Variants in NEURL4 observed in about 807,000 individuals in gnomAD.
The protein encoded by NEURL4 is neuralized-like protein 4.
In NEURL4, 45 loss-of-function variants were observed where a neutral mutation model predicts 148.0. That is an observed-to-expected ratio of 0.30 (90% CI 0.24 to 0.39). The LOEUF (loss-of-function observed/expected upper bound fraction) is 0.39, where lower values mean the gene tolerates loss of function less well. Ranked by LOEUF, NEURL4 falls within the 10% of genes least tolerant of loss-of-function variation. The pLI is 1.00. For missense variants in NEURL4, 1,776 were observed against 2,144.0 expected, an observed-to-expected ratio of 0.83 and a Z score of 3.39; for synonymous variants, 854 against 869.0, an observed-to-expected ratio of 0.98 and a Z score of 0.30.
chr17:7,326,761 T>G lies in NEURL4; in HGVS notation c.1042A>C (p.Asn348His). 6.2e-7 allele frequency: 1 copy of G among 1,613,246 alleles called. No individual in the cohort carries two copies. The highest frequency in any genetic ancestry group is 8.5e-7 in the Non-Finnish European group (1 of 1,179,800). The change falls in exon 4 of 29, where the codon AAT (asparagine) becomes CAT (histidine). Residue 348 changes from asparagine (N) to histidine (H), a missense_variant. Asn to His is a moderately conservative substitution (Grantham distance 68, BLOSUM62 1). Transcript: ENST00000399464. This position sits in a 1 kb window ranked among gnomAD's most constrained non-coding sequence, Gnocchi z 6.0. ...GGGCGATTGGTCATGACAACCCCAT[T>G]GTTGAATTCATCCAGGGGCCGCCGG... is the stretch of plus-strand genomic sequence containing the variant. ...ERRRPLDEFN[N>H]GVVMTNRPLR...
rs1341243611 is a variant in NEURL4 at position 7,323,990 on chromosome 17, T to C, written c.2085A>G (p.Pro695=). The change falls in exon 12 of 29, where the codon CCA becomes CCG. Residue 695 remains proline, a synonymous_variant. Transcript: ENST00000399464. ...DDVEVAPVPE[P]LPEGNNQVSP... is the part of the protein sequence containing the mutation. The stretch of plus-strand genomic sequence containing the variant: ...ACACCTGGTTGTTCCCCTCAGGGAG[T>C]GGTTCAGGAACTGGAGCCACCTCTG... The C allele has an allele frequency of 1.2e-6, 2 of 1,610,152 alleles. No individual in the cohort carries two copies. The highest frequency in any genetic ancestry group is 3.3e-5 in the Admixed American group (2 of 59,970).
chr17:7,325,746 C>T (rs746198497), intron 6 of NEURL4, 33 bp from the exon 7 acceptor site: 18 of 1,568,934 alleles, frequency 1.1e-5, no homozygotes, highest in South Asian at 2.2e-5. Context: ...TTAGAGGAGT[C>T]CTGAGGCCTG....
At chr17:7,325,137 A>G in intron 8 of NEURL4, 72 bp downstream of exon 8, 69 of 1,185,148 alleles carry the variant, frequency 5.8e-5, no homozygotes, top group Non-Finnish European at 7.6e-5. Context: ...TCTGCCTTCC[A>G]CTTCCTTGCC....
chr17:7,321,612 C>T lies in NEURL4; in HGVS notation c.3047G>A (p.Arg1016His), dbSNP rs765721028. The T allele has an allele frequency of 3.1e-6, 5 of 1,614,118 alleles. No individual in the cohort carries two copies. The highest frequency in any genetic ancestry group is 4.2e-6 in the Non-Finnish European group (5 of 1,180,036). ...TWMVSSCEVR[R>H]DGQLQRMNYG... Reference sequence around the variant, plus strand: ...GTTCATCCTCTGGAGCTGCCCATCACGCCTCACTTCACAGCTGGATACCAT... The same window carrying T: ...GTTCATCCTCTGGAGCTGCCCATCATGCCTCACTTCACAGCTGGATACCAT... Residue 1016 changes from arginine to histidine, a missense_variant, in exon 18 of 29, where the codon CGT (arginine) becomes CAT (histidine). By Grantham distance (29) the Arg-to-His change is conservative (BLOSUM62 0). Coordinates refer to ENST00000399464, the MANE Select transcript of NEURL4 (RefSeq NM_032442.3). The surrounding 1 kb of genome is among the most constrained non-coding windows in gnomAD (Gnocchi z 6.3).
chr17:7,325,085 A>T (rs1053191434), intron 8 of NEURL4, 105 bp from the exon 9 acceptor site: 73 of 1,551,800 alleles, frequency 4.7e-5, no homozygotes, highest in Middle Eastern at 2.0e-4. Context: ...AAGCCAAAGA[A>T]CTAAAGCTCA....
Position 7,324,398 on chromosome 17 carries a change from G to C in NEURL4, c.1896C>G (p.Leu632=), listed in dbSNP as rs764604274. ...GGCGGCGCACCCACTTTCCCACCTT[G>C]AGGCGGTCCAGATTGTGCCCGTATT... ...LDEYGHNLDR[L]KAGDTVGVVR... Residue 632 remains leucine (L), a synonymous_variant, in exon 10 of 29, where the codon CTC becomes CTG. Coordinates refer to ENST00000399464, the MANE Select transcript of NEURL4 (RefSeq NM_032442.3). The surrounding 1 kb of genome is among the most constrained non-coding windows in gnomAD (Gnocchi z 5.9). 13 of 1,614,180 alleles carry C rather than the reference G, an allele frequency of 8.1e-6. No individual in the cohort carries two copies. In the Admixed American group the frequency reaches 1.0e-4, roughly 12 times the overall value.
chr17:7,321,298 A>G lies in NEURL4; in HGVS notation c.3199-25T>C. On this transcript the variant is annotated intron_variant, in intron 19 of 28. Coordinates refer to ENST00000399464, the MANE Select transcript of NEURL4 (RefSeq NM_032442.3). The surrounding 1 kb of genome is among the most constrained non-coding windows in gnomAD (Gnocchi z 6.3). Reference sequence around the variant, plus strand: ...TCTGGGAGGCACACAAGACCCAGAAAATCAGAGATCAGCAGAAGACCTCAA... The same window carrying G: ...TCTGGGAGGCACACAAGACCCAGAAGATCAGAGATCAGCAGAAGACCTCAA... The G allele has an allele frequency of 6.2e-7, 1 of 1,613,096 alleles. No homozygotes were observed. Among genetic ancestry groups the G allele is most frequent in the Non-Finnish European group, 8.5e-7 (1 of 1,179,236 alleles).
In NEURL4 at chr17:7,324,980, A is replaced by C; in HGVS notation, c.1632T>G (p.His544Gln). 1.2e-6 allele frequency: 2 copies of C among 1,613,956 alleles called. No homozygotes were observed. The highest frequency in any genetic ancestry group is 1.1e-5 in the South Asian group (1 of 91,088). ...CGCCGTGATTGAAGTCATCGGTGGC[A>C]CTGAGGGCACAGCAAGTGGAGAGTC... ...THEGRTALRP[H>Q]ATDDFNHGVV... The change falls in exon 9 of 29, where the codon CAT becomes CAG. Residue 544 changes from histidine to glutamine, a missense_variant and splice_region_variant. His to Gln is a conservative substitution (Grantham distance 24). Coordinates refer to ENST00000399464, the MANE Select transcript of NEURL4 (RefSeq NM_032442.3). This position sits in a 1 kb window ranked among gnomAD's most constrained non-coding sequence, Gnocchi z 5.9.
Position 7,327,378 on chromosome 17 carries a change from T to C in NEURL4, c.727+62A>G. The C allele has an allele frequency of 6.8e-7, 1 of 1,468,608 alleles. No homozygotes were observed. The highest frequency in any genetic ancestry group is 9.2e-7 in the Non-Finnish European group (1 of 1,084,238). The allele number at this position is 1,468,608 out of a possible 1,614,324, so 91.0% of individuals were successfully genotyped here. A position where few individuals can be genotyped will look rare whatever the true frequency, so the allele number is the denominator to read the frequency against. On this transcript the variant is annotated intron_variant, in intron 2 of 28. Transcript: ENST00000399464. The surrounding 1 kb of genome is among the most constrained non-coding windows in gnomAD (Gnocchi z 6.6). Reference sequence around the variant, plus strand: ...GGCCCTGCCCACACCCAGCCTGTCTTGTCACTCTATTTCCCCCATTCCGTC... The same window carrying C: ...GGCCCTGCCCACACCCAGCCTGTCTCGTCACTCTATTTCCCCCATTCCGTC...
At chr17:7,316,593 C>G (rs928788831) in intron 28 of NEURL4, among the ~76,000 whole-genome samples, 6 of 152,186 alleles carry the variant, frequency 3.9e-5, no homozygotes, top group Non-Finnish European at 5.9e-5. Flanking sequence ...CCGCCCCATT[C>G]TTTCTCTGTT....
In NEURL4 at chr17:7,317,578, G is replaced by A; in HGVS notation, c.4206-5C>T. The A allele has an allele frequency of 6.2e-7, 1 of 1,613,702 alleles. No homozygotes were observed. Among genetic ancestry groups the A allele is most frequent in the African/African-American group, 1.3e-5 (1 of 75,040 alleles). On this transcript the variant is annotated splice_region_variant and splice_polypyrimidine_tract_variant and intron_variant, in intron 26 of 28. Coordinates refer to ENST00000399464, the MANE Select transcript of NEURL4 (RefSeq NM_032442.3). ...GCCTCCAGGCGGGGATTCACTCTAG[G>A]AGGTGGACAAGCGGGGCAGATACAA...
At chr17:7,325,586 A>G in intron 7 of NEURL4, 55 bp downstream of exon 7, 1 of 1,591,560 alleles carries the variant, frequency 6.3e-7, no homozygotes, top group South Asian at 1.1e-5. Flanking sequence ...TACAGCCCCC[A>G]GTCCCAGCCC....
Position 7,325,391 on chromosome 17 carries a change from G to A in NEURL4, c.1449C>T (p.His483=), listed in dbSNP as rs1201699560. The A allele has an allele frequency of 3.1e-6, 5 of 1,613,080 alleles. No homozygotes were observed. The highest frequency in any genetic ancestry group is 2.7e-5 in the African/African-American group (2 of 74,914). ...GGAGACGGTCACTGTGGTTGTTATT[G>A]TGGACGATGGTCACCTTCACTGCCA... ...YGMAVKVTIV[H]NNNHSDRLRR... The change falls in exon 8 of 29, where the codon CAC becomes CAT. Residue 483 remains histidine, a synonymous_variant. Transcript: ENST00000399464.
In NEURL4 at chr17:7,322,225, G is replaced by A. The variant is rs913367776; in HGVS notation, c.2726-215C>T. Among the ~76,000 whole-genome samples the A allele has an allele frequency of 1.1e-4, 17 of 152,062 alleles. No individual in the cohort carries two copies. Among genetic ancestry groups the A allele is most frequent in the East Asian group, 7.7e-4 (4 of 5,192 alleles). On this transcript the variant is annotated intron_variant, in intron 16 of 28. Coordinates refer to ENST00000399464, the MANE Select transcript of NEURL4 (RefSeq NM_032442.3). The surrounding 1 kb of genome is among the most constrained non-coding windows in gnomAD (Gnocchi z 5.5). ...CAGGCTGGAGTGCAGGGGCACAGTC[G>A]TGGCTCACTGCAGCCTCGACTTCCT...
intron 28 of NEURL4, among the ~76,000 whole-genome samples, chr17:7,316,625 CT>C (rs1305235817): frequency 6.6e-6 from 1 of 152,156 alleles, no homozygotes; most frequent in Non-Finnish European, 1.5e-5. Flanking sequence ...TACTTATTAC[CT>C]TTAAAAATAC....
chr17:7,322,115 CCCATCTG>C lies in NEURL4; in HGVS notation c.2726-112_2726-106del, dbSNP rs1471070927. 6.8e-6 allele frequency: 9 copies of C among 1,320,434 alleles called. No homozygotes were observed. The highest frequency in any genetic ancestry group is 6.2e-6 in the Non-Finnish European group (6 of 969,270). The allele number at this position is 1,320,434 out of a possible 1,614,324, so 81.8% of individuals were successfully genotyped here. On this transcript the variant is annotated intron_variant, in intron 16 of 28. Transcript: ENST00000399464. This position sits in a 1 kb window ranked among gnomAD's most constrained non-coding sequence, Gnocchi z 5.5. ...TGAAACGAAATGGGGATGCCAACGC[CCCATCTG>C]CCATCTGCCATTACACCTCAGGGCC...
At chr17:7,323,603 G>T in intron 13 of NEURL4, 40 bp from the exon 14 acceptor site, 1 of 1,613,838 alleles carries the variant, frequency 6.2e-7, no homozygotes, top group African/African-American at 1.3e-5. Context: ...GATCCCCAAG[G>T]CACAGACATC....
chr17:7,325,108 C>T, intron 8 of NEURL4, 101 bp downstream of exon 8: 1 of 1,515,532 alleles, frequency 6.6e-7, no homozygotes, highest in Non-Finnish European at 8.9e-7. Flanking sequence ...CTCCAGGAAG[C>T]TGCCCCCGCC....
chr17:7,327,978 TTC>T lies in NEURL4; in HGVS notation c.283-96_283-95del, dbSNP rs2073125736. The T allele has an allele frequency of 1.0e-6, 1 of 1,001,350 alleles. No individual in the cohort carries two copies. Among genetic ancestry groups the T allele is most frequent in the Non-Finnish European group, 1.4e-6 (1 of 696,402 alleles). 62.0% of individuals were successfully genotyped at this position (1,001,350 alleles called of 1,614,324 possible). A position where few individuals can be genotyped will look rare whatever the true frequency, so the allele number is the denominator to read the frequency against. Reference sequence around the variant, plus strand: ...CCACCTCTCAGACAGCTAGCTGGCTTTCTGTCTCTTGGAACACTAATCCAGAG... The same window carrying T: ...CCACCTCTCAGACAGCTAGCTGGCTTTGTCTCTTGGAACACTAATCCAGAG... On this transcript the variant is annotated intron_variant, in intron 1 of 28. Coordinates refer to ENST00000399464, the MANE Select transcript of NEURL4 (RefSeq NM_032442.3). This position sits in a 1 kb window ranked among gnomAD's most constrained non-coding sequence, Gnocchi z 6.6.
Sources: allele counts gnomAD v4.1 joint callset (sites outside exome capture counted in the v4.1 genomes callset), GRCh38; gene constraint gnomAD v4.1.1; non-coding constraint Gnocchi (gnomAD v3.1); transcripts MANE v1.5; gene names NCBI Gene and HGNC (gene_info 2026-07-23, HGNC 2026-07-21).